Variants in TOP2B observed in about 807,000 individuals in gnomAD.
TOP2B encodes DNA topoisomerase 2-beta.
In TOP2B, 51 loss-of-function variants were observed where a neutral mutation model predicts 193.5. The ratio of observed to expected loss-of-function variants is 0.26; its 90% CI spans 0.21 to 0.33. The LOEUF (loss-of-function observed/expected upper bound fraction) is 0.33. Among genes scored for constraint, TOP2B ranks in the 10% least tolerant of loss-of-function variants. The pLI is 1.00. For synonymous variants in TOP2B, 634 were observed against 635.7 expected (o/e 1.00, Z 0.04); for missense variants, 1,378 against 1,909.3 (o/e 0.72, Z 5.19).
intron 30 of TOP2B, among the ~76,000 whole-genome samples, chr3:25,608,369 T>A (rs1046263820): frequency 3.3e-5 from 5 of 152,256 alleles, no homozygotes; most frequent in African/African-American, 1.2e-4. Context: ...TCACTTTTGA[T>A]GTATGTAAAT....
Position 25,598,398 on chromosome 3 carries a change from A to G in TOP2B, c.4790T>C (p.Leu1597Pro). Residue 1597 changes from leucine (L) to proline (P), a missense_variant, in exon 36 of 36, where the codon CTG becomes CCG. Physicochemically the swap from Leu to Pro is moderately conservative, Grantham distance 98. This residue lies in a region of TOP2B where 556 missense variants were observed against 584.2 expected (regional missense o/e 0.95). Coordinates refer to ENST00000264331, the MANE Select transcript of TOP2B (RefSeq NM_001330700.2). ...TTTCCTAGCCCGACCGGTTCGTGGC[A>G]GAGAAGGTGGCTCAGTAGGGAAGTC... The part of the protein sequence containing the change: ...PSDFPTEPPS[L>P]PRTGRARKEV... The G allele has an allele frequency of 6.2e-7, 1 of 1,613,686 alleles. No homozygotes were observed. The highest frequency in any genetic ancestry group is 8.5e-7 in the Non-Finnish European group (1 of 1,179,676).
intron 3 of TOP2B, among the ~76,000 whole-genome samples, chr3:25,643,485 T>A (rs1176821497): frequency 1.3e-5 from 2 of 152,138 alleles, no homozygotes; most frequent in Non-Finnish European, 2.9e-5. Flanking sequence ...ATTGATTTCA[T>A]AGATGAAGAA....
At chr3:25,650,589 A>T (rs999753911) in intron 1 of TOP2B, among the ~76,000 whole-genome samples, 1 of 152,224 alleles carries the variant, frequency 6.6e-6, no homozygotes, top group Non-Finnish European at 1.5e-5. Context: ...CATTGAATGG[A>T]AAGTCTGTGA....
At chr3:25,632,405 C>T in intron 10 of TOP2B, 41 bp downstream of exon 10, 1 of 1,481,892 alleles carries the variant, frequency 6.7e-7, no homozygotes, top group Non-Finnish European at 9.0e-7. Flanking sequence ...ACCTAATCAA[C>T]TCTTAATAAC....
intron 1 of TOP2B, among the ~76,000 whole-genome samples, chr3:25,648,708 A>C (rs561916197): frequency 4.6e-5 from 7 of 152,216 alleles, no homozygotes; most frequent in African/African-American, 1.2e-4. Context: ...CAAAACAAAA[A>C]AAAATTAGCC....
At chr3:25,600,709 T>C (rs907317909) in intron 34 of TOP2B, among the ~76,000 whole-genome samples, 5 of 152,342 alleles carry the variant, frequency 3.3e-5, no homozygotes, top group Admixed American at 3.3e-4. Context: ...AATACAGTTA[T>C]TTCTTAGGTG....
chr3:25,632,281 T>G (rs1702982874), intron 10 of TOP2B, among the ~76,000 whole-genome samples, 165 bp downstream of exon 10: 1 of 152,050 alleles, frequency 6.6e-6, no homozygotes, highest in Admixed American at 6.6e-5. Context: ...AACATTAAAG[T>G]CTACCCTTTA....
At chr3:25,607,093 T>C in intron 31 of TOP2B, 78 bp downstream of exon 31, 1 of 1,528,828 alleles carries the variant, frequency 6.5e-7, no homozygotes, top group Middle Eastern at 2.3e-4. Flanking sequence ...AACAATTTCT[T>C]AGAAGAGCTC....
chr3:25,600,765 A>G (rs1044766679), intron 34 of TOP2B, among the ~76,000 whole-genome samples: 14 of 152,236 alleles, frequency 9.2e-5, no homozygotes, highest in African/African-American at 2.4e-4. Flanking sequence ...GCCCATTACT[A>G]TAAGTGTCAC....
Position 25,626,573 on chromosome 3 carries a change from T to C in TOP2B, c.2211A>G (p.Pro737=). 6.7e-7 allele frequency: 1 copy of C among 1,497,938 alleles called. No individual in the cohort carries two copies. Among genetic ancestry groups the C allele is most frequent in the Non-Finnish European group, 8.9e-7 (1 of 1,121,120 alleles). 92.8% of individuals were successfully genotyped at this position (1,497,938 alleles called of 1,614,324 possible). ...FSNSDNERSI[P]SLVDGFKPGQ... ...AATATTACTCACCATCAACAAGAGA[T>C]GGTATAGATCTTTCATTGTCTGAGT... Residue 737 remains proline, a synonymous_variant, in exon 18 of 36, where the codon CCA becomes CCG. Coordinates refer to ENST00000264331, the MANE Select transcript of TOP2B (RefSeq NM_001330700.2).
intron 22 of TOP2B, 60 bp downstream of exon 22, chr3:25,620,622 C>G: frequency 6.5e-7 from 1 of 1,539,032 alleles, no homozygotes; most frequent in Non-Finnish European, 8.8e-7. Context: ...ATCATCCTTA[C>G]CAGAAAAAAT....
chr3:25,645,214 A>T lies in TOP2B; in HGVS notation c.240+86T>A, dbSNP rs868513722. On this transcript the variant is annotated intron_variant, in intron 2 of 35. Transcript: ENST00000264331. ...AGATGAAATTACAAATTTCCAAAGC[A>T]AGTAATTACAATAATTTTATCAACA... 4.8e-5 allele frequency: 59 copies of T among 1,233,356 alleles called. No individual in the cohort carries two copies. The South Asian group carries it at 9.3e-4, about 20-fold the overall frequency. The allele number at this position is 1,233,356 out of a possible 1,614,324, so 76.4% of individuals were successfully genotyped here.
intron 20 of TOP2B, 78 bp downstream of exon 20, chr3:25,624,219 C>G: frequency 6.6e-7 from 1 of 1,509,766 alleles, no homozygotes; most frequent in Admixed American, 1.7e-5. Context: ...CTCTCCACAG[C>G]TATAATTCCA....
intron 1 of TOP2B, among the ~76,000 whole-genome samples, chr3:25,657,182 C>G (rs770705919): frequency 6.6e-6 from 1 of 152,092 alleles, no homozygotes; most frequent in Non-Finnish European, 1.5e-5. Flanking sequence ...TAACAGAAAC[C>G]TGAAATAATA....
At chr3:25,607,489 A>G (rs1702264283) in intron 30 of TOP2B, 114 bp from the exon 31 acceptor site, 1 of 1,296,076 alleles carries the variant, frequency 7.7e-7, no homozygotes, top group African/African-American at 1.5e-5. Context: ...AAAATACCAT[A>G]AGAAATAAAA....
chr3:25,615,113 G>T, intron 27 of TOP2B, 92 bp downstream of exon 27: 2 of 1,120,684 alleles, frequency 1.8e-6, no homozygotes, highest in Non-Finnish European at 2.6e-6. Flanking sequence ...CCTTCACAGA[G>T]TTAAAGAAAA....
chr3:25,650,111 G>T (rs553139562), intron 1 of TOP2B, among the ~76,000 whole-genome samples: 1 of 152,254 alleles, frequency 6.6e-6, no homozygotes, highest in South Asian at 2.1e-4. Context: ...TAAGATGGAT[G>T]CCTAATTATT....
chr3:25,612,535 T>G lies in TOP2B; in HGVS notation c.3766A>C (p.Lys1256Gln). The G allele has an allele frequency of 6.2e-7, 1 of 1,609,426 alleles. No homozygotes were observed. The highest frequency in any genetic ancestry group is 8.5e-7 in the Non-Finnish European group (1 of 1,178,006). Residue 1256 changes from lysine (K) to glutamine (Q), a missense_variant, in exon 28 of 36, where the codon AAG becomes CAG. By Grantham distance (53) the Lys-to-Gln change is moderately conservative. Coordinates refer to ENST00000264331, the MANE Select transcript of TOP2B (RefSeq NM_001330700.2). ...CATACCTTCTTCTTCTTCAGCAACTTTTTGCTGGCATCTGCCTTCATAGCT... is the reference window on the plus strand; with the variant it reads ...CATACCTTCTTCTTCTTCAGCAACTGTTTGCTGGCATCTGCCTTCATAGCT... ...ITAMKADASK[K>Q]LLKKKKGDLD...
intron 7 of TOP2B, among the ~76,000 whole-genome samples, chr3:25,634,806 A>AAG (rs1703060598): frequency 2.6e-5 from 4 of 151,422 alleles, no homozygotes; most frequent in Non-Finnish European, 5.9e-5. Flanking sequence ...AACCAAAAAA[A>AAG]GGCTTATTCT....
Sources: gnomAD v4.1 joint callset for allele counts (sites outside exome capture counted in the v4.1 genomes callset) on GRCh38, gnomAD v4.1.1 for gene constraint, gnomAD v4.1.1 regional missense constraint, MANE v1.5 for transcripts, NCBI Gene and HGNC (gene_info 2026-07-23, HGNC 2026-07-21) for gene names.